The following CSHL1 variants were observed in gnomAD, a reference collection of about 807,000 sequenced individuals.
The protein encoded by CSHL1 is chorionic somatomammotropin hormone-like 1.
Under a neutral mutation model 24.3 loss-of-function variants are expected in CSHL1, and 25 were observed. That is an observed-to-expected ratio of 1.03 (90% confidence interval 0.75 to 1.44). The LOEUF (loss-of-function observed/expected upper bound fraction) is 1.44, where lower values mean the gene tolerates loss of function less well. Among genes scored for constraint, CSHL1 ranks in the 40% most tolerant of loss-of-function variants. The pLI is 0.00. For synonymous variants in CSHL1, 157 were observed against 115.6 expected, an observed-to-expected ratio of 1.36 and a Z score of -2.30; for missense variants, 342 against 279.3, an observed-to-expected ratio of 1.22 and a Z score of -1.60.
chr17:63,910,674 G>A (rs1371976577), intron 2 of CSHL1, 71 bp downstream of exon 2: 1 of 1,614,104 alleles, frequency 6.2e-7, no homozygotes, highest in African/African-American at 1.3e-5. Flanking sequence ...ACAACCCTGA[G>A]CTCCTTAGTC....
chr17:63,910,851 T>C lies in CSHL1; in HGVS notation c.84A>G (p.Gln28=). Reference sequence around the variant, plus strand: ...TAAAAAGCCTGGATAAGGGAACGGTTTGGACGGCACCAGCCTCTTGAAGCC... The same window carrying C: ...TAAAAAGCCTGGATAAGGGAACGGTCTGGACGGCACCAGCCTCTTGAAGCC... ...LPWLQEAGAV[Q]TVPLSRLFKE... is the part of the protein sequence containing the mutation. Residue 28 remains glutamine (Q), a synonymous_variant, in exon 2 of 5, where the codon CAA becomes CAG. Coordinates refer to ENST00000309894, the MANE Select transcript of CSHL1 (RefSeq NM_022579.3). The C allele has an allele frequency of 1.2e-6, 2 of 1,614,110 alleles. No homozygotes were observed. The highest frequency in any genetic ancestry group is 2.7e-5 in the African/African-American group (2 of 75,012).
Position 63,910,049 on chromosome 17 carries a change from G to A in CSHL1, c.471+113C>T, listed in dbSNP as rs552619583. The A allele has an allele frequency of 2.5e-4, 402 of 1,614,120 alleles. 4 individuals are homozygous for A. The Middle Eastern group carries it at 6.8e-3, about 27-fold the overall frequency. On this transcript the variant is annotated intron_variant, in intron 4 of 4. Coordinates refer to ENST00000309894, the MANE Select transcript of CSHL1 (RefSeq NM_022579.3). ...CACGAGGGGAAATGAAGAATAAGGT[G>A]AGTTCTCTTGGGTCAGCGCCTGACT...
At position 63,909,636 on chromosome 17, in the gene CSHL1, C is replaced by A; in HGVS notation, c.*75G>T. Reference sequence around the variant, plus strand: ...ACAACTTAATTTTATTAAGACAAGGCTGGTGGGCACTGGAGTGGCACCTTC... The same window carrying A: ...ACAACTTAATTTTATTAAGACAAGGATGGTGGGCACTGGAGTGGCACCTTC... On this transcript the variant is annotated 3_prime_UTR_variant, in exon 5 of 5. Coordinates refer to ENST00000309894, the MANE Select transcript of CSHL1 (RefSeq NM_022579.3). The A allele has an allele frequency of 6.2e-7, 1 of 1,608,592 alleles. No homozygotes were observed. The highest frequency in any genetic ancestry group is 8.5e-7 in the Non-Finnish European group (1 of 1,175,554).
At chr17:63,910,612 C>T (rs1906889501) in intron 2 of CSHL1, 77 bp from the exon 3 acceptor site, 4 of 1,614,022 alleles carry the variant, frequency 2.5e-6, no homozygotes, top group Non-Finnish European at 3.4e-6. Context: ...TGTTACTCTT[C>T]TGGGAACCTG....
intron 4 of CSHL1, 116 bp from the exon 5 acceptor site, chr17:63,910,024 C>A: frequency 6.2e-7 from 1 of 1,613,960 alleles, no homozygotes; most frequent in Non-Finnish European, 8.5e-7. Flanking sequence ...CTGGAGGATT[C>A]ACGAGGGGAA....
rs748460636 is a variant in CSHL1 at position 63,910,420 on chromosome 17, G to A, written c.306C>T (p.Ser102=). The A allele has an allele frequency of 9.9e-6, 16 of 1,614,084 alleles. No homozygotes were observed. Among genetic ancestry groups the A allele is most frequent in the East Asian group, 2.2e-5 (1 of 44,898 alleles). ...SSNMEETQQK[S]NLELLHISLL... ...CCTAGGGGAGACAGCATCCACTCACGGATTTCTGCTGCGTTTCCTCCATGT... is the reference window on the plus strand; with the variant it reads ...CCTAGGGGAGACAGCATCCACTCACAGATTTCTGCTGCGTTTCCTCCATGT... Residue 102 remains serine (S), a splice_region_variant and synonymous_variant, in exon 3 of 5, where the codon TCC becomes TCT. Transcript: ENST00000309894.
intron 1 of CSHL1, 82 bp downstream of exon 1, chr17:63,911,105 G>T: frequency 6.2e-7 from 1 of 1,611,922 alleles, no homozygotes; most frequent in Non-Finnish European, 8.5e-7. Context: ...CAAACCTGAG[G>T]TTAGTGCCCC....
At position 63,909,679 on chromosome 17, in the gene CSHL1, T is replaced by C; in HGVS notation, c.*32A>G. On this transcript the variant is annotated 3_prime_UTR_variant, in exon 5 of 5. Transcript: ENST00000309894. Reference sequence around the variant, plus strand: ...GCACCTTCAGGGCCAGGAGAGGCACTGGGGAGGGGTCACAGGATGCCACGC... The same window carrying C: ...GCACCTTCAGGGCCAGGAGAGGCACCGGGGAGGGGTCACAGGATGCCACGC... 6.2e-7 allele frequency: 1 copy of C among 1,613,994 alleles called. No homozygotes were observed.
In CSHL1 at chr17:63,910,306, G is replaced by A; in HGVS notation, c.327C>T (p.Ile109=). ...QQKSNLELLH[I]SLLLIESRLE... ...GCCGCGACTCGATGAGCAGCAGGGA[G>A]ATGTGGAGCAGCTCTAAGTTCTGCA... The change falls in exon 4 of 5, where the codon ATC becomes ATT. Residue 109 remains isoleucine (I), a synonymous_variant. Transcript: ENST00000309894. 2 of 1,614,198 alleles carry A rather than the reference G, an allele frequency of 1.2e-6. No individual in the cohort carries two copies. Among genetic ancestry groups the A allele is most frequent in the Non-Finnish European group, 1.7e-6 (2 of 1,180,022 alleles).
In CSHL1 at chr17:63,910,273, G is replaced by C; in HGVS notation, c.360C>G (p.Pro120=). ...SLLLIESRLE[P]VRFLRSTFTN... ...TGAAGGTACTCCTGAGGAACCGCACGGGCTCCAGCCGCGACTCGATGAGCA... is the reference window on the plus strand; with the variant it reads ...TGAAGGTACTCCTGAGGAACCGCACCGGCTCCAGCCGCGACTCGATGAGCA... Residue 120 remains proline (P), a synonymous_variant, in exon 4 of 5, where the codon CCC becomes CCG. Coordinates refer to ENST00000309894, the MANE Select transcript of CSHL1 (RefSeq NM_022579.3). 1 of 1,614,092 alleles carries C rather than the reference G, an allele frequency of 6.2e-7. No individual in the cohort carries two copies. The highest frequency in any genetic ancestry group is 8.5e-7 in the Non-Finnish European group (1 of 1,180,004).
chr17:63,909,638 G>A lies in CSHL1; in HGVS notation c.*73C>T, dbSNP rs1906669691. ...AACTTAATTTTATTAAGACAAGGCTGGTGGGCACTGGAGTGGCACCTTCAG... is the reference window on the plus strand; with the variant it reads ...AACTTAATTTTATTAAGACAAGGCTAGTGGGCACTGGAGTGGCACCTTCAG... On this transcript the variant is annotated 3_prime_UTR_variant, in exon 5 of 5. Transcript: ENST00000309894. 3.1e-6 allele frequency: 5 copies of A among 1,608,504 alleles called. No homozygotes were observed. The South Asian group carries it at 4.4e-5, about 14-fold the overall frequency.
intron 3 of CSHL1, 37 bp downstream of exon 3, chr17:63,910,383 C>T (rs1484186699): frequency 5.6e-6 from 9 of 1,614,002 alleles, no homozygotes; most frequent in Non-Finnish European, 6.8e-6. Flanking sequence ...CCACAGGTCT[C>T]CCCCATCCCC....
Position 63,909,724 on chromosome 17 carries a change from C to T in CSHL1, c.656G>A (p.Ser219Asn). The T allele has an allele frequency of 3.7e-6, 6 of 1,614,164 alleles. No individual in the cohort carries two copies. Among genetic ancestry groups the T allele is most frequent in the Non-Finnish European group, 5.1e-6 (6 of 1,180,034 alleles). Residue 219 changes from serine (S) to asparagine (N), a missense_variant, in exon 5 of 5, where the codon AGC (serine) becomes AAC (asparagine). Ser to Asn is a conservative substitution (Grantham distance 46). Transcript: ENST00000309894. Reference sequence around the variant, plus strand: ...CCACGCGGGCCCCTAGAAGCCACAGCTGCCCTCCACAGAGCGGCACTGCAC... The same window carrying T: ...CCACGCGGGCCCCTAGAAGCCACAGTTGCCCTCCACAGAGCGGCACTGCAC... ...RMVQCRSVEG[S>N]CGF
chr17:63,910,350 G>A (rs778766364), intron 3 of CSHL1, 24 bp from the exon 4 acceptor site: 1 of 1,614,130 alleles, frequency 6.2e-7, no homozygotes, highest in South Asian at 1.1e-5. Flanking sequence ...ACCGGCAGTG[G>A]CTGTGCTGCC....
Position 63,911,234 on chromosome 17 carries a change from G to C in CSHL1, c.-38C>G, listed in dbSNP as rs138842521. 6.2e-7 allele frequency: 1 copy of C among 1,613,672 alleles called. No homozygotes were observed. The highest frequency in any genetic ancestry group is 1.3e-5 in the African/African-American group (1 of 74,822). ...AGCTGTCCACAGGACCCTGAGTGGT[G>C]CGGGGAGTCGGGCCTTGGGATGCTG... On this transcript the variant is annotated 5_prime_UTR_variant, in exon 1 of 5. Coordinates refer to ENST00000309894, the MANE Select transcript of CSHL1 (RefSeq NM_022579.3).
At position 63,909,862 on chromosome 17, in the gene CSHL1, G is replaced by A. The variant is rs759769018; in HGVS notation, c.518C>T (p.Thr173Ile). 6.2e-7 allele frequency: 1 copy of A among 1,614,012 alleles called. No homozygotes were observed. Among genetic ancestry groups the A allele is most frequent in the East Asian group, 2.2e-5 (1 of 44,890 alleles). Residue 173 changes from threonine to isoleucine, a missense_variant, in exon 5 of 5, where the codon ACC becomes ATC. Physicochemically the swap from Thr to Ile is moderately conservative, Grantham distance 89. Coordinates refer to ENST00000309894, the MANE Select transcript of CSHL1 (RefSeq NM_022579.3). The stretch of plus-strand genomic sequence containing the variant: ...CGAGTTTGTGTCAAACTTGCTGTAG[G>A]TCTGCTTGAGGGTCTGCCCAGTCAG... ...SHLTGQTLKQ[T>I]YSKFDTNSHN... is the part of the protein sequence containing the mutation.
rs2246207 is a variant in CSHL1 at position 63,910,216 on chromosome 17, G to A, written c.417C>T (p.Ser139=). The change falls in exon 4 of 5, where the codon AGC becomes AGT. Residue 139 remains serine (S), a synonymous_variant. Transcript: ENST00000309894. ...GGTCCTTTAGGAGGTGATAGTCATC[G>A]CTGTCCGAGGTGTCATACACCAGGT... ...TNNLVYDTSD[S]DDYHLLKDLE... The A allele has an allele frequency of 0.41, 653,536 of 1,610,910 alleles. 134,382 individuals are homozygous for A. Among genetic ancestry groups the A allele is most frequent in the African/African-American group, 0.49 (36,655 of 74,860 alleles).
rs555809548 is a variant in CSHL1 at position 63,909,988 on chromosome 17, T to C, written c.472-80A>G. ...CTCTCTCATTTATCCATTTTCCTCC[T>C]TCCCCTTCAGGGTGTAGAGAAAGGC... On this transcript the variant is annotated intron_variant, in intron 4 of 4. Coordinates refer to ENST00000309894, the MANE Select transcript of CSHL1 (RefSeq NM_022579.3). 1,417 of 1,613,964 alleles carry C rather than the reference T, an allele frequency of 8.8e-4. 25 individuals are homozygous for C. The South Asian group carries it at 0.014, about 16-fold the overall frequency.
Position 63,911,075 on chromosome 17 carries a change from A to T in CSHL1, c.10+112T>A, listed in dbSNP as rs148091983. 1.7e-4 allele frequency: 273 copies of T among 1,611,482 alleles called. 9 individuals are homozygous for T. In the African/African-American group the frequency reaches 2.0e-3, roughly 12 times the overall value. On this transcript the variant is annotated intron_variant, in intron 1 of 4. Transcript: ENST00000309894. ...GCCAAATATCTGGCCTTAGATGGCG[A>T]TATTCACATTCAGAAGCCCCAAACC...
Sources: allele counts gnomAD v4.1 joint callset, GRCh38; gene constraint gnomAD v4.1.1; transcripts MANE v1.5; gene names NCBI Gene and HGNC (gene_info 2026-07-23, HGNC 2026-07-21).